Variants in IL4I1 observed in about 807,000 individuals in gnomAD.
IL4I1 encodes L-amino-acid oxidase.
In IL4I1, 24 loss-of-function variants were observed where a neutral mutation model predicts 29.7. The observed-to-expected ratio is 0.81, with a 90% confidence interval of 0.59 to 1.14. IL4I1 has a LOEUF of 1.14. Among genes scored for constraint, IL4I1 ranks in the 50% most tolerant of loss-of-function variants. The pLI is 0.00. For synonymous variants in IL4I1, 371 were observed against 352.5 expected (o/e 1.05, Z -0.59); for missense variants, 686 against 785.6 (o/e 0.87, Z 1.52).
chr19:49,896,240 G>A, intron 1 of IL4I1, 58 bp from the exon 2 acceptor site: 1 of 1,465,050 alleles, frequency 6.8e-7, no homozygotes, highest in Non-Finnish European at 9.0e-7. Context: ...ACTGTAGCCT[G>A]ACTCTGTCTC....
chr19:49,899,931 C>T (rs1234103840), upstream of IL4I1, among the ~76,000 whole-genome samples: 1 of 151,988 alleles, frequency 6.6e-6, no homozygotes, highest in Non-Finnish European at 1.5e-5. Flanking sequence ...AACTCCTGGG[C>T]TTAAGCGATC....
chr19:49,895,718 C>T (rs369673066), intron 3 of IL4I1, 97 bp downstream of exon 3: 1 of 1,049,816 alleles, frequency 9.5e-7, no homozygotes, highest in Non-Finnish European at 1.4e-6. Context: ...TCCCCACCTC[C>T]ACCCCCTCAA....
At chr19:49,927,664 G>A (rs979003700) in intron 2 of IL4I1, 1 of 152,226 alleles carries the variant, frequency 6.6e-6, no homozygotes, top group African/African-American at 2.4e-5. Context: ...CCCGCAACAG[G>A]TAAGGAAGGA....
At chr19:49,894,552 G>T (rs2075180883) in intron 4 of IL4I1, 83 bp from the exon 5 acceptor site, 2 of 960,500 alleles carry the variant, frequency 2.1e-6, no homozygotes, top group Non-Finnish European at 1.6e-6. Context: ...AGAGGGGTGG[G>T]AGGGGAGAGT....
At chr19:49,891,267 G>A (rs2075134864) in intron 6 of IL4I1, 138 bp downstream of exon 6, 16 of 1,396,446 alleles carry the variant, frequency 1.1e-5, no homozygotes, top group African/African-American at 2.8e-5. Flanking sequence ...CAGACAGGGG[G>A]CGTGTCCAGC....
intron 4 of IL4I1, 79 bp from the exon 5 acceptor site, chr19:49,894,548 G>T: frequency 3.5e-6 from 4 of 1,135,182 alleles, no homozygotes; most frequent in African/African-American, 1.5e-5. Context: ...GAGAAGAGGG[G>T]TGGGAGGGGA....
At chr19:49,908,521 C>T (rs144871187) in intron 2 of IL4I1, 2 of 1,614,060 alleles carry the variant, frequency 1.2e-6, no homozygotes, top group African/African-American at 1.3e-5. Context: ...TTTTCTCACG[C>T]TCCTCATCCG....
chr19:49,916,208 T>C (rs2122679767), intron 2 of IL4I1, among the ~76,000 whole-genome samples: 2 of 152,214 alleles, frequency 1.3e-5, no homozygotes, highest in South Asian at 4.1e-4. Flanking sequence ...CGGGAGAGTT[T>C]CATTGAGGAA....
chr19:49,904,140 C>CACACCACACA (rs1568692354), intron 3 of IL4I1: 1 of 152,022 alleles, frequency 6.6e-6, no homozygotes, highest in Non-Finnish European at 1.5e-5. Context: ...CACCCAGCCC[C>CACACCACACA]CATTTGCCAC....
intron 2 of IL4I1, chr19:49,909,097 G>A: frequency 6.2e-7 from 1 of 1,612,556 alleles, no homozygotes; most frequent in Non-Finnish European, 8.5e-7. Flanking sequence ...TACAGAGGGA[G>A]AGTCCAGTGG....
intron 2 of IL4I1, among the ~76,000 whole-genome samples, chr19:49,905,810 C>T (rs2075314661): frequency 6.6e-6 from 1 of 152,176 alleles, no homozygotes; most frequent in Non-Finnish European, 1.5e-5. Flanking sequence ...TCCATGTTGG[C>T]CATGCTGGTC....
intron 2 of IL4I1, chr19:49,907,919 T>C: frequency 2.1e-6 from 1 of 470,504 alleles, no homozygotes; most frequent in Non-Finnish European, 3.8e-6. Flanking sequence ...CGACCCTGGC[T>C]GGGACCAAGA....
At chr19:49,915,704 G>A (rs893229306) in intron 2 of IL4I1, among the ~76,000 whole-genome samples, 6 of 152,228 alleles carry the variant, frequency 3.9e-5, no homozygotes, top group African/African-American at 1.4e-4. Flanking sequence ...GGGGTCAGGG[G>A]CAGGTCTGCC....
intron 2 of IL4I1, among the ~76,000 whole-genome samples, chr19:49,917,059 C>T (rs762531504): frequency 3.3e-5 from 5 of 152,236 alleles, no homozygotes; most frequent in Non-Finnish European, 5.9e-5. Flanking sequence ...TGGGACCTCC[C>T]CTTTCCCCAT....
chr19:49,905,980 C>T (rs974512105), intron 2 of IL4I1, among the ~76,000 whole-genome samples: 5 of 152,106 alleles, frequency 3.3e-5, no homozygotes, highest in Non-Finnish European at 7.3e-5. Flanking sequence ...CCAAGTGTTG[C>T]CCACAGACTG....
rs187879007 is a variant in IL4I1 at position 49,890,564 on chromosome 19, C to G, written c.810G>C (p.Pro270=). 5 of 1,590,698 alleles carry G rather than the reference C, an allele frequency of 3.1e-6. No individual in the cohort carries two copies. The East Asian group carries it at 1.1e-4, about 36-fold the overall frequency. ...CGGACAGCGAGCTCAGCAGCGCGCG[C>G]GGCAGCAGGTCCCAGCCACCCACGA... ...SRIVGGWDLL[P]RALLSSLSGL... The change falls in exon 8 of 8, where the codon CCG becomes CCC. Residue 270 remains proline (P), a synonymous_variant. Transcript: ENST00000391826.
At chr19:49,905,949 G>C (rs924875257) in intron 2 of IL4I1, among the ~76,000 whole-genome samples, 1 of 152,052 alleles carries the variant, frequency 6.6e-6, no homozygotes, top group Non-Finnish European at 1.5e-5. Context: ...GGAGACTTTT[G>C]GAACCTGGGC....
At chr19:49,923,968 A>G (rs2075824011) in intron 2 of IL4I1, among the ~76,000 whole-genome samples, 1 of 152,230 alleles carries the variant, frequency 6.6e-6, no homozygotes. Context: ...CAAAACTCGG[A>G]GCCTTTTCCA....
rs187251543 is a variant in IL4I1 at position 49,923,499 on chromosome 19, C to T, written c.-228+4195G>A. Among the ~76,000 whole-genome samples the T allele has an allele frequency of 3.3e-3, 508 of 152,330 alleles. 2 individuals carry two copies. Among genetic ancestry groups the T allele is most frequent in the Non-Finnish European group, 5.7e-3 (388 of 68,042 alleles). The stretch of plus-strand genomic sequence containing the variant: ...AGTCACGTAGGCAGACATCTGCACA[C>T]GGCGGATCTGAAAGCAGAAGCAGGC... On this transcript the variant is annotated intron_variant, in intron 2 of 9. Coordinates refer to the IL4I1 transcript ENST00000341114.
Sources: allele counts gnomAD v4.1 joint callset (sites outside exome capture counted in the v4.1 genomes callset), GRCh38; gene constraint gnomAD v4.1.1; transcripts MANE v1.5; gene names NCBI Gene and HGNC (gene_info 2026-07-23, HGNC 2026-07-21).